The following C6orf58 variants were observed in gnomAD, a reference collection of about 807,000 sequenced individuals.
C6orf58 encodes the protein protein LEG1 homolog.
In C6orf58, 30 loss-of-function variants were observed where a neutral mutation model predicts 37.0. The observed-to-expected ratio is 0.81, with a 90% CI of 0.61 to 1.10. The LOEUF (loss-of-function observed/expected upper bound fraction) is 1.10. Among genes scored for constraint, C6orf58 ranks in the 50% least tolerant of loss-of-function variants. The probability of loss-of-function intolerance (pLI) is 0.00; values close to 1 mark genes in which losing one functional copy is unlikely to be tolerated. For missense variants in C6orf58, 368 were observed against 387.5 expected, an observed-to-expected ratio of 0.95 and a Z score of 0.42; for synonymous variants, 143 against 134.1, an observed-to-expected ratio of 1.07 and a Z score of -0.46.
At chr6:127,590,403 T>C (rs894144182) in intron 5 of C6orf58, 78 bp downstream of exon 5, 25 of 905,954 alleles carry the variant, frequency 2.8e-5, no homozygotes, top group Non-Finnish European at 4.3e-5. Flanking sequence ...ATTAAATCAG[T>C]GATATAAACA....
chr6:127,582,088 C>T (rs968103830), intron 4 of C6orf58, among the ~76,000 whole-genome samples: 3 of 152,198 alleles, frequency 2.0e-5, no homozygotes, highest in Non-Finnish European at 4.4e-5. Flanking sequence ...ATTGACATCA[C>T]TCTCTGTCAC....
rs574395652 is a variant in C6orf58 at position 127,584,212 on chromosome 6, GAATTA to G, written c.674+2934_674+2938del. Among the ~76,000 whole-genome samples the G allele has an allele frequency of 4.6e-4, 70 of 152,266 alleles. 1 individual carries two copies. Among genetic ancestry groups the G allele is most frequent in the African/African-American group, 1.7e-3 (69 of 41,558 alleles). On this transcript the variant is annotated intron_variant, in intron 4 of 5. Transcript: ENST00000329722. ...AAAATATGCACTGAAGGTGGCAATT[GAATTA>G]AATATGTCTGTAGGTGTTCAAATGA...
chr6:127,590,044 A>C (rs1406248303), intron 4 of C6orf58, 43 bp from the exon 5 acceptor site: 1 of 1,351,362 alleles, frequency 7.4e-7, no homozygotes, highest in Non-Finnish European at 1.0e-6. Context: ...TGAACTTCTG[A>C]GGTGACTAAT....
chr6:127,588,883 G>A (rs1775132952), intron 4 of C6orf58, among the ~76,000 whole-genome samples: 1 of 152,004 alleles, frequency 6.6e-6, no homozygotes, highest in Admixed American at 6.6e-5. Flanking sequence ...TGCTTGGTAG[G>A]TGACTGTAAT....
chr6:127,591,731 A>G lies in C6orf58; in HGVS notation c.*109A>G, dbSNP rs1244997194. ...TAATGTCATCATGACCATGTAGTTTATTCTTTCTGATATTTTTGATTTATG... is the reference window on the plus strand; with the variant it reads ...TAATGTCATCATGACCATGTAGTTTGTTCTTTCTGATATTTTTGATTTATG... On this transcript the variant is annotated 3_prime_UTR_variant, in exon 6 of 6. Coordinates refer to ENST00000329722, the MANE Select transcript of C6orf58 (RefSeq NM_001010905.3). 3.1e-6 allele frequency: 3 copies of G among 977,208 alleles called. No individual in the cohort carries two copies. The highest frequency in any genetic ancestry group is 2.7e-6 in the Non-Finnish European group (2 of 739,394). 60.5% of individuals were successfully genotyped at this position (977,208 alleles called of 1,614,324 possible).
intron 4 of C6orf58, among the ~76,000 whole-genome samples, chr6:127,583,523 T>C (rs554587022): frequency 6.6e-6 from 1 of 152,228 alleles, no homozygotes; most frequent in East Asian, 1.9e-4. Flanking sequence ...AAAAAAAACG[T>C]TCCTAGTAAG....
intron 3 of C6orf58, among the ~76,000 whole-genome samples, 184 bp from the exon 4 acceptor site, chr6:127,580,998 T>C (rs1775044132): frequency 6.6e-6 from 1 of 152,102 alleles, no homozygotes; most frequent in African/African-American, 2.4e-5. Flanking sequence ...TTATTAAAAC[T>C]AATGAATATT....
intron 5 of C6orf58, 55 bp from the exon 6 acceptor site, chr6:127,591,488 G>T: frequency 2.1e-6 from 3 of 1,428,400 alleles, no homozygotes; most frequent in South Asian, 1.5e-5. Flanking sequence ...ATTGCCAAAA[G>T]GTACTTTAAA....
In C6orf58 at chr6:127,577,301, A is replaced by G; in HGVS notation, c.116A>G (p.Gln39Arg). 1.2e-6 allele frequency: 2 copies of G among 1,613,618 alleles called. No homozygotes were observed. Among genetic ancestry groups the G allele is most frequent in the Non-Finnish European group, 1.7e-6 (2 of 1,179,614 alleles). The change falls in exon 1 of 6, where the codon CAG (glutamine) becomes CGG (arginine). Residue 39 changes from glutamine (Q) to arginine (R), a missense_variant. Coordinates refer to ENST00000329722, the MANE Select transcript of C6orf58 (RefSeq NM_001010905.3). ...CCTCTGTGGAAGGAGAGTCCTGGTC[A>G]GCTCAGTGACTACAGGGTGGAGAAC... is the stretch of plus-strand genomic sequence containing the variant. ...EPPLWKESPG[Q>R]LSDYRVENSM...
At position 127,580,339 on chromosome 6, in the gene C6orf58, C is replaced by T; in HGVS notation, c.463C>T (p.Gln155Ter). 1 of 1,612,806 alleles carries T rather than the reference C, an allele frequency of 6.2e-7. No individual in the cohort carries two copies. The highest frequency in any genetic ancestry group is 1.3e-5 in the African/African-American group (1 of 74,898). The change falls in exon 3 of 6, where the codon CAA (glutamine) becomes TAA (stop). Residue 155 changes from glutamine to a stop codon, truncating the protein, a stop_gained. Transcript: ENST00000329722. LOFTEE classifies it high-confidence loss of function. ...TGGTGTAATGGGGATATCATCAGAC[C>T]AAGTCAGGCTTTTGCCCCCACCCAA... ...DSGVMGISSD[Q>*]VRLLPPPKNE...
intron 1 of C6orf58, among the ~76,000 whole-genome samples, chr6:127,578,255 A>G (rs1007472594): frequency 2.0e-5 from 3 of 152,156 alleles, no homozygotes; most frequent in African/African-American, 7.2e-5. Context: ...CTTATAATGT[A>G]GTTAATATTA....
At chr6:127,585,744 A>C (rs1470145073) in intron 4 of C6orf58, among the ~76,000 whole-genome samples, 3 of 152,168 alleles carry the variant, frequency 2.0e-5, no homozygotes, top group African/African-American at 7.2e-5. Context: ...AAAACGTATA[A>C]ATAATTCTCT....
chr6:127,587,097 G>A (rs1204400503), intron 4 of C6orf58, among the ~76,000 whole-genome samples: 2 of 151,992 alleles, frequency 1.3e-5, no homozygotes, highest in Non-Finnish European at 2.9e-5. Flanking sequence ...TAATTTTCTT[G>A]ATTCTATTAA....
rs757715087 is a variant in C6orf58, at chr6:127,578,707, G to A, written c.323G>A (p.Arg108Gln). ...YRTGRLADPT[R>Q]RTNCGYESGD... ...CCAGGCAGATTAGCTGATCCAACCC[G>A]AAGGACAAACTGTGGCTATGAATCT... Residue 108 changes from arginine (R) to glutamine (Q), a missense_variant, in exon 2 of 6, where the codon CGA becomes CAA. Transcript: ENST00000329722. The A allele has an allele frequency of 9.3e-6, 15 of 1,612,510 alleles. No homozygotes were observed. Among genetic ancestry groups the A allele is most frequent in the African/African-American group, 1.3e-5 (1 of 74,804 alleles).
intron 4 of C6orf58, among the ~76,000 whole-genome samples, chr6:127,585,462 A>C (rs1583129910): frequency 6.6e-6 from 1 of 152,220 alleles, no homozygotes; most frequent in East Asian, 1.9e-4. Flanking sequence ...AAAATTACAT[A>C]GTTATAGAAA....
At chr6:127,587,577 A>C (rs1775119834) in intron 4 of C6orf58, among the ~76,000 whole-genome samples, 1 of 152,222 alleles carries the variant, frequency 6.6e-6, no homozygotes, top group African/African-American at 2.4e-5. Context: ...CTATGAATTC[A>C]TATTACAAGA....
chr6:127,577,544 G>A, intron 1 of C6orf58, 58 bp downstream of exon 1: 4 of 1,493,848 alleles, frequency 2.7e-6, no homozygotes, highest in Middle Eastern at 1.7e-4. Flanking sequence ...TGAAGTATTT[G>A]GGAAATTGGA....
chr6:127,586,992 T>C (rs1317503475), intron 4 of C6orf58, among the ~76,000 whole-genome samples: 1 of 152,222 alleles, frequency 6.6e-6, no homozygotes, highest in Non-Finnish European at 1.5e-5. Context: ...CAATCTCCTT[T>C]TACCCAGAAG....
In C6orf58 at chr6:127,580,408, T is replaced by C. The variant is rs779447307; in HGVS notation, c.532T>C (p.Ser178Pro). The change falls in exon 3 of 6, where the codon TCC (serine) becomes CCC (proline). Residue 178 changes from serine to proline, a missense_variant. Physicochemically the swap from Ser to Pro is moderately conservative, Grantham distance 74. Transcript: ENST00000329722. ...FCYDVSSCRS[S>P]FPETMNKWNT... ...TTATGATGTTTCTAGCTGTCGTTCATCCTTCCCTGAGACAATGAACAAGTG... is the reference window on the plus strand; with the variant it reads ...TTATGATGTTTCTAGCTGTCGTTCACCCTTCCCTGAGACAATGAACAAGTG... 25 of 1,613,076 alleles carry C rather than the reference T, an allele frequency of 1.5e-5. 2 individuals are homozygous for C. The South Asian group carries it at 2.7e-4, about 18-fold the overall frequency.
Sources: gnomAD v4.1 joint callset for allele counts (sites outside exome capture counted in the v4.1 genomes callset) on GRCh38, gnomAD v4.1.1 for gene constraint, MANE v1.5 for transcripts, NCBI Gene and HGNC (gene_info 2026-07-23, HGNC 2026-07-21) for gene names.